Variants in PAGE2B observed in about 807,000 individuals in gnomAD.
PAGE2B encodes PAGE family member 2B.
In PAGE2B, 5 loss-of-function variants were observed where a neutral mutation model predicts 7.6. The ratio of observed to expected loss-of-function variants is 0.66; its 90% CI spans 0.34 to 1.38. PAGE2B has a LOEUF of 1.38. Among genes scored for constraint, PAGE2B ranks in the 40% most tolerant of loss-of-function variants. PAGE2B has a pLI of 0.04. For missense variants in PAGE2B, 70 were observed against 78.4 expected (o/e 0.89, Z 0.41); for synonymous variants, 29 against 26.7 (o/e 1.09, Z -0.27).
At chrX:55,051,994 A>T in the PAGE2B span, among the ~76,000 whole-genome samples, 1 of 111,713 alleles carries the variant, frequency 9.0e-6, no homozygotes, top group African/African-American at 3.3e-5. Context: ...TTTGGTGTGG[A>T]TGTCCTTTCT....
chrX:55,071,016 G>A (rs767809114), upstream of PAGE2B, among the ~76,000 whole-genome samples: 4 of 111,748 alleles, frequency 3.6e-5, no homozygotes, highest in South Asian at 1.5e-3. Context: ...TTTAATTGTG[G>A]CATTTAGCCC....
the PAGE2B span, among the ~76,000 whole-genome samples, chrX:55,035,291 C>T: frequency 9.0e-6 from 1 of 111,315 alleles, no homozygotes; most frequent in Non-Finnish European, 1.9e-5. Flanking sequence ...TTTCTCAATC[C>T]CCTATTCAGC....
At chrX:55,036,924 G>C in the PAGE2B span, among the ~76,000 whole-genome samples, 1 of 110,071 alleles carries the variant, frequency 9.1e-6, no homozygotes, top group Admixed American at 9.7e-5. Context: ...AGACTTACAT[G>C]TTAGACCTAA....
At chrX:55,040,305 G>A in the PAGE2B span, among the ~76,000 whole-genome samples, 6 of 101,896 alleles carry the variant, frequency 5.9e-5, no homozygotes, top group East Asian at 3.2e-4. Flanking sequence ...CCCACCCCAC[G>A]ACAGGCCCCG....
the PAGE2B span, among the ~76,000 whole-genome samples, chrX:55,056,326 G>A: frequency 9.0e-6 from 1 of 110,988 alleles, no homozygotes. Flanking sequence ...TGGAAACCCT[G>A]AAGTCCAGGT....
the PAGE2B span, among the ~76,000 whole-genome samples, chrX:55,063,926 C>CT: frequency 8.2e-5 from 9 of 110,259 alleles, no homozygotes; most frequent in Admixed American, 7.7e-4. Context: ...TGATGAATGA[C>CT]TTTTTTTTAA....
chrX:55,029,531 T>C, the PAGE2B span, among the ~76,000 whole-genome samples: 1 of 111,709 alleles, frequency 9.0e-6, no homozygotes, highest in African/African-American at 3.3e-5. Context: ...CAAATATTAC[T>C]ACCTTTTTTT....
chrX:55,055,861 T>C, the PAGE2B span: 1 of 109,175 alleles, frequency 9.2e-6, no homozygotes, highest in African/African-American at 3.4e-5. Flanking sequence ...GTATTTCTTA[T>C]ATGGGAAAAG....
At chrX:55,067,423 T>C in the PAGE2B span, among the ~76,000 whole-genome samples, 2 of 112,054 alleles carry the variant, frequency 1.8e-5, no homozygotes. Context: ...ATGGTGTACA[T>C]GTGCCACATT....
chrX:55,043,921 G>T, the PAGE2B span, among the ~76,000 whole-genome samples: 58 of 108,388 alleles, frequency 5.4e-4, 1 homozygote, highest in East Asian at 0.017. Context: ...AGCCAAGATC[G>T]CACCATTGCA....
the PAGE2B span, among the ~76,000 whole-genome samples, chrX:55,043,143 G>A: frequency 9.0e-6 from 1 of 111,446 alleles, no homozygotes; most frequent in Admixed American, 9.6e-5. Flanking sequence ...CGAGCCACAT[G>A]TAGGAGAATA....
chrX:55,037,647 C>G, the PAGE2B span, among the ~76,000 whole-genome samples: 1 of 110,650 alleles, frequency 9.0e-6, no homozygotes, highest in East Asian at 2.9e-4. Context: ...GACTTGGAAC[C>G]AACCCAAATG....
chrX:55,039,823 C>T, the PAGE2B span, among the ~76,000 whole-genome samples: 2 of 112,042 alleles, frequency 1.8e-5, no homozygotes, highest in Non-Finnish European at 3.8e-5. Flanking sequence ...TGGGATTCAG[C>T]CCGGGGCTGG....
chrX:55,043,968 AAATAATAATAAT>A, the PAGE2B span, among the ~76,000 whole-genome samples: 144 of 102,693 alleles, frequency 1.4e-3, 2 homozygotes, highest in Non-Finnish European at 2.5e-3. Flanking sequence ...CTCTGTCTCT[AAATAATAATAAT>A]AATAATAATA....
the PAGE2B span, among the ~76,000 whole-genome samples, chrX:55,040,124 CT>C: frequency 9.3e-6 from 1 of 108,045 alleles, no homozygotes; most frequent in East Asian, 2.9e-4. Flanking sequence ...GATATGTCTA[CT>C]TTAGCTACTT....
the PAGE2B span, among the ~76,000 whole-genome samples, chrX:55,060,106 C>T: frequency 3.6e-5 from 4 of 111,462 alleles, no homozygotes; most frequent in African/African-American, 1.3e-4. Flanking sequence ...CATGGAAGTG[C>T]AGGTATGTCT....
chrX:55,075,270 C>G (rs918676003), intron 1 of PAGE2B, among the ~76,000 whole-genome samples, 156 bp downstream of exon 1: 5 of 111,507 alleles, frequency 4.5e-5, no homozygotes, highest in African/African-American at 9.8e-5. Context: ...GGGATGCCAC[C>G]GTGGGACTTG....
the PAGE2B span, among the ~76,000 whole-genome samples, chrX:55,048,329 C>T: frequency 1.8e-5 from 2 of 111,616 alleles, no homozygotes; most frequent in Admixed American, 9.5e-5. Flanking sequence ...TAGTTTTTTC[C>T]AATTCTGTGA....
the PAGE2B span, among the ~76,000 whole-genome samples, chrX:55,047,479 T>G: frequency 4.5e-5 from 5 of 111,792 alleles, no homozygotes; most frequent in Non-Finnish European, 7.5e-5. Flanking sequence ...TCTAGATCCC[T>G]GAGGAATCGC....
Sources: gnomAD v4.1 joint callset for allele counts (sites outside exome capture counted in the v4.1 genomes callset) on GRCh38, gnomAD v4.1.1 for gene constraint, MANE v1.5 for transcripts, NCBI Gene and HGNC (gene_info 2026-07-23, HGNC 2026-07-21) for gene names.